LPA: variants seen among roughly 807,000 people sequenced by gnomAD.
LPA encodes lipoprotein(a).
A neutral mutation model predicts 197.9 loss-of-function variants in LPA; 199 were observed. The ratio of observed to expected loss-of-function variants is 1.01; its 90% confidence interval spans 0.90 to 1.13. LPA has a LOEUF of 1.13. Ranked by LOEUF, LPA falls within the 50% of genes most tolerant of loss-of-function variation. The pLI is 0.00. For missense variants in LPA, 1,853 were observed against 1,785.8 expected, an observed-to-expected ratio of 1.04 and a Z score of -0.68; for synonymous variants, 715 against 639.5, an observed-to-expected ratio of 1.12 and a Z score of -1.78.
chr6:160,557,068 G>T (rs1304055792), intron 29 of LPA, among the ~76,000 whole-genome samples: 6 of 152,068 alleles, frequency 3.9e-5, no homozygotes, highest in African/African-American at 1.4e-4. Context: ...ATAAATGCCT[G>T]GAAACACTCA....
At position 160,605,058 on chromosome 6, in the gene LPA, T is replaced by C. The variant is rs771656069; in HGVS notation, c.2933A>G (p.Tyr978Cys). ...TPHSHSRTPA[Y>C]YPNAGLIKNY... ...AAAATAGACATACGCATTTGGGTAG[T>C]ATGCTGGGGTCCGACTATGCGAGTG... is the stretch of plus-strand genomic sequence containing the variant. The change falls in exon 18 of 39, where the codon TAC becomes TGC. Residue 978 changes from tyrosine to cysteine, a missense_variant. Tyr to Cys is a radical substitution (Grantham distance 194). Transcript: ENST00000316300. The C allele has an allele frequency of 1.5e-5, 25 of 1,613,630 alleles. 1 individual carries two copies. Among genetic ancestry groups the C allele is most frequent in the South Asian group, 1.2e-4 (11 of 91,074 alleles).
intron 28 of LPA, among the ~76,000 whole-genome samples, chr6:160,564,482 C>T (rs975549835): frequency 3.3e-5 from 5 of 152,164 alleles, no homozygotes; most frequent in African/African-American, 1.2e-4. Context: ...TCTTGCTCCT[C>T]AGCCTGCAGA....
chr6:160,572,066 T>G (rs1472277000), intron 28 of LPA, among the ~76,000 whole-genome samples: 1 of 152,216 alleles, frequency 6.6e-6, no homozygotes, highest in African/African-American at 2.4e-5. Context: ...AGCATAGTAT[T>G]TGTGCCAGAA....
intron 23 of LPA, among the ~76,000 whole-genome samples, chr6:160,590,462 T>C (rs1042483357): frequency 6.6e-6 from 1 of 152,128 alleles, no homozygotes; most frequent in East Asian, 1.9e-4. Context: ...TATGTACTGT[T>C]ACCTAGACCC....
At chr6:160,535,211 CAGA>C in intron 37 of LPA, among the ~76,000 whole-genome samples, 1 of 80 alleles carries the variant, frequency 0.013, no homozygotes, top group African/African-American at 0.05. Flanking sequence ...AATGATAATA[CAGA>C]TGAGGAAATA....
intron 28 of LPA, among the ~76,000 whole-genome samples, chr6:160,566,420 C>A (rs201763597): frequency 1.3e-5 from 2 of 152,132 alleles, no homozygotes; most frequent in Non-Finnish European, 2.9e-5. Context: ...GAAATAAAAT[C>A]CTTTACAGAC....
At chr6:160,598,458 T>G (rs1010225264) in intron 20 of LPA, among the ~76,000 whole-genome samples, 3 of 152,190 alleles carry the variant, frequency 2.0e-5, no homozygotes, top group Admixed American at 2.0e-4. Context: ...AGGGTCTCCT[T>G]GAAGAAAGCC....
At chr6:160,583,156 T>C (rs1778832240) in intron 26 of LPA, among the ~76,000 whole-genome samples, 1 of 151,626 alleles carries the variant, frequency 6.6e-6, no homozygotes, top group African/African-American at 2.4e-5. Flanking sequence ...AATTCTGTTA[T>C]TTTTATCATT....
intron 18 of LPA, among the ~76,000 whole-genome samples, chr6:160,601,509 G>T (rs961703373): frequency 3.9e-5 from 6 of 152,108 alleles, no homozygotes; most frequent in African/African-American, 1.2e-4. Context: ...GTATCTCTCT[G>T]TGTAGGACTT....
chr6:160,589,814 C>T (rs748735662), intron 23 of LPA, 102 bp from the exon 24 acceptor site: 99 of 1,348,380 alleles, frequency 7.3e-5, no homozygotes, highest in Non-Finnish European at 9.4e-5. Context: ...CTGAAAATGA[C>T]GACCATGCTC....
chr6:160,558,327 C>G (rs1778304371), intron 28 of LPA, among the ~76,000 whole-genome samples: 1 of 152,264 alleles, frequency 6.6e-6, no homozygotes, highest in South Asian at 2.1e-4. Context: ...TATATTACTT[C>G]AGGGAAGAAA....
chr6:160,587,774 T>C (rs943902461), intron 24 of LPA, among the ~76,000 whole-genome samples: 2 of 119,764 alleles, frequency 1.7e-5, no homozygotes, highest in Non-Finnish European at 3.4e-5. Flanking sequence ...TGTGTGTGTG[T>C]GTGTGTGTGT....
chr6:160,610,382 T>C (rs1001585245), intron 16 of LPA, among the ~76,000 whole-genome samples: 2 of 152,144 alleles, frequency 1.3e-5, no homozygotes, highest in African/African-American at 4.8e-5. Flanking sequence ...CTAATTGTAC[T>C]TTGAAATTAT....
chr6:160,594,099 G>A lies in LPA; in HGVS notation c.3488C>T (p.Pro1163Leu), dbSNP rs1405669636. ...SSEEAPTEQS[P>L]GVQDCYHGDG... ...ACCATGGTAGCAATCCTGGACCCCG[G>A]GGCTTTGCTCCGTTGGTGCTGAAAT... The change falls in exon 22 of 39, where the codon CCC becomes CTC. Residue 1163 changes from proline (P) to leucine (L), a missense_variant. Physicochemically the swap from Pro to Leu is moderately conservative, Grantham distance 98 (BLOSUM62 -3). This residue lies in a region of LPA where 1,737 missense variants were observed against 1,504.4 expected (regional missense o/e 1.15). Transcript: ENST00000316300. 21 of 1,613,724 alleles carry A rather than the reference G, an allele frequency of 1.3e-5. No homozygotes were observed. The highest frequency in any genetic ancestry group is 1.7e-5 in the Non-Finnish European group (20 of 1,179,848).
intron 28 of LPA, among the ~76,000 whole-genome samples, chr6:160,571,910 A>G (rs1778568736): frequency 6.6e-6 from 1 of 151,834 alleles, no homozygotes. Flanking sequence ...CATTCCAGGG[A>G]CCACTGGGGT....
chr6:160,593,508 G>T (rs945460401), intron 22 of LPA, among the ~76,000 whole-genome samples: 1 of 152,164 alleles, frequency 6.6e-6, no homozygotes, highest in African/African-American at 2.4e-5. Context: ...CCCAGGTACA[G>T]GTTAGAGGAG....
At position 160,577,349 on chromosome 6, in the gene LPA, T is replaced by C. The variant is rs1440132193; in HGVS notation, c.4472-54A>G. On this transcript the variant is annotated intron_variant, in intron 27 of 38. Coordinates refer to ENST00000316300, the MANE Select transcript of LPA (RefSeq NM_005577.4). ...CAGTAATTGCATGAGCAGAGAAACA[T>C]GGGAGACAATTTATGTCACATACTG... The C allele has an allele frequency of 1.0e-5, 16 of 1,545,412 alleles. No individual in the cohort carries two copies. In the Admixed American group the frequency reaches 2.2e-4, roughly 21 times the overall value.
chr6:160,547,979 C>G, intron 31 of LPA, 42 bp from the exon 32 acceptor site: 2 of 1,604,902 alleles, frequency 1.2e-6, no homozygotes, highest in Middle Eastern at 1.7e-4. Context: ...TTACAGACAG[C>G]CAGGCAGCCA....
intron 18 of LPA, among the ~76,000 whole-genome samples, chr6:160,603,145 T>A (rs187577879): frequency 3.8e-4 from 58 of 152,198 alleles, no homozygotes; most frequent in African/African-American, 1.3e-3. Flanking sequence ...TCTCCTTCTG[T>A]GACTTCCTAC....
Sources: allele counts gnomAD v4.1 joint callset (sites outside exome capture counted in the v4.1 genomes callset), GRCh38; gene constraint gnomAD v4.1.1; regional missense constraint gnomAD v4.1.1; transcripts MANE v1.5; gene names NCBI Gene and HGNC (gene_info 2026-07-23, HGNC 2026-07-21).